ARHGAP42: variants seen among roughly 807,000 people sequenced by gnomAD.
ARHGAP42 encodes the protein rho GTPase-activating protein 42.
Under a neutral mutation model 125.0 loss-of-function variants are expected in ARHGAP42, and 63 were observed. The observed-to-expected ratio is 0.50, with a 90% CI of 0.41 to 0.62. The LOEUF (loss-of-function observed/expected upper bound fraction) is 0.62, where lower values mean the gene tolerates loss of function less well. Ranked by LOEUF, ARHGAP42 falls within the 20% of genes least tolerant of loss-of-function variation. ARHGAP42 has a pLI of 0.00. For missense variants in ARHGAP42, 766 were observed against 1,024.2 expected, an observed-to-expected ratio of 0.75 and a Z score of 3.44; for synonymous variants, 339 against 351.0, an observed-to-expected ratio of 0.97 and a Z score of 0.38.
intron 3 of ARHGAP42, among the ~76,000 whole-genome samples, chr11:100,841,628 C>T (rs1234017572): frequency 6.6e-6 from 1 of 152,272 alleles, no homozygotes; most frequent in African/African-American, 2.4e-5. Flanking sequence ...CAGTCTTCAT[C>T]TCTATTTTCC....
rs778155782 is a variant in ARHGAP42, at chr11:100,987,605, A to G, written c.2536+13A>G. ...ATATTTTCTAATGGTAAGTATGTCA[A>G]TTCCCTCTGCCTAAGTTTGTCATCA... On this transcript the variant is annotated intron_variant, in intron 23 of 23. Coordinates refer to ENST00000298815, the MANE Select transcript of ARHGAP42 (RefSeq NM_152432.4). 9.3e-5 allele frequency: 144 copies of G among 1,548,818 alleles called. No individual in the cohort carries two copies. The highest frequency in any genetic ancestry group is 1.2e-4 in the Non-Finnish European group (139 of 1,144,560).
intron 3 of ARHGAP42, among the ~76,000 whole-genome samples, chr11:100,828,436 A>G (rs1864578862): frequency 6.6e-6 from 1 of 152,126 alleles, no homozygotes; most frequent in Non-Finnish European, 1.5e-5. Context: ...TGTTCAAGGA[A>G]ACTACCTCAT....
intron 4 of ARHGAP42, among the ~76,000 whole-genome samples, chr11:100,881,311 C>T (rs901210444): frequency 6.6e-6 from 1 of 152,126 alleles, no homozygotes. Flanking sequence ...GCTAATTACC[C>T]CAGCATCATT....
chr11:100,740,044 A>T (rs969370275), intron 1 of ARHGAP42, among the ~76,000 whole-genome samples: 1 of 151,596 alleles, frequency 6.6e-6, no homozygotes, highest in Admixed American at 6.6e-5. Flanking sequence ...GTCAGCCTGC[A>T]AGTTAAAGGG....
chr11:100,852,659 G>A (rs900800617), intron 3 of ARHGAP42, among the ~76,000 whole-genome samples: 9 of 152,144 alleles, frequency 5.9e-5, no homozygotes, highest in African/African-American at 2.2e-4. Flanking sequence ...AGCTCAGCTT[G>A]GGATGTACAG....
chr11:100,720,832 C>T (rs920640636), intron 1 of ARHGAP42, among the ~76,000 whole-genome samples: 2 of 151,892 alleles, frequency 1.3e-5, no homozygotes, highest in Non-Finnish European at 1.5e-5. Context: ...CATTTTCAAA[C>T]GTACTCAAAA....
At chr11:100,706,430 C>A (rs2120222165) in intron 1 of ARHGAP42, among the ~76,000 whole-genome samples, 1 of 152,254 alleles carries the variant, frequency 6.6e-6, no homozygotes, top group South Asian at 2.1e-4. Flanking sequence ...CATATTGGAA[C>A]CACTTCTGAA....
At chr11:100,936,660 C>A (rs1867745985) in intron 8 of ARHGAP42, among the ~76,000 whole-genome samples, 1 of 152,150 alleles carries the variant, frequency 6.6e-6, no homozygotes, top group African/African-American at 2.4e-5. Flanking sequence ...ATGAATCATC[C>A]TGGTGACTGT....
chr11:100,974,519 T>C lies in ARHGAP42; in HGVS notation c.1771T>C (p.Ser591Pro), dbSNP rs1858337586. The change falls in exon 19 of 24, where the codon TCC (serine) becomes CCC (proline). Residue 591 changes from serine to proline, a missense_variant. Physicochemically the swap from Ser to Pro is moderately conservative, Grantham distance 74. Transcript: ENST00000298815. ...TCCTCAGCCTCAGTCTCGATCTGGA[T>C]CCCGAAGGACACGAGCAATCTGCCT... is the stretch of plus-strand genomic sequence containing the variant. ...PLPQPQSRSGSRRTRAICLST... is the reference protein window; with the variant it reads ...PLPQPQSRSGPRRTRAICLST... 6.4e-7 allele frequency: 1 copy of C among 1,550,744 alleles called. No homozygotes were observed. Among genetic ancestry groups the C allele is most frequent in the Non-Finnish European group, 8.7e-7 (1 of 1,146,700 alleles).
chr11:100,966,770 A>G (rs1020431963), intron 17 of ARHGAP42, among the ~76,000 whole-genome samples: 4 of 152,190 alleles, frequency 2.6e-5, no homozygotes, highest in Non-Finnish European at 5.9e-5. Context: ...AGAGAGAGAG[A>G]CAAACACATA....
At chr11:100,948,827 AT>A (rs1214293725) in intron 11 of ARHGAP42, among the ~76,000 whole-genome samples, 4 of 152,206 alleles carry the variant, frequency 2.6e-5, no homozygotes, top group Admixed American at 6.6e-5. Flanking sequence ...AGGTTAGCTT[AT>A]TCAGTTAATA....
chr11:100,915,858 C>G (rs544234583), intron 5 of ARHGAP42, among the ~76,000 whole-genome samples: 1 of 152,262 alleles, frequency 6.6e-6, no homozygotes, highest in South Asian at 2.1e-4. Context: ...TTGGGTTCCC[C>G]CCTCCCTTCG....
chr11:100,956,255 G>A (rs1857801848), intron 12 of ARHGAP42, among the ~76,000 whole-genome samples: 1 of 152,170 alleles, frequency 6.6e-6, no homozygotes, highest in Non-Finnish European at 1.5e-5. Flanking sequence ...TTGCCACAGT[G>A]AATTAAGTTA....
At chr11:100,714,102 A>G (rs1276274398) in intron 1 of ARHGAP42, among the ~76,000 whole-genome samples, 1 of 152,212 alleles carries the variant, frequency 6.6e-6, no homozygotes, top group African/African-American at 2.4e-5. Flanking sequence ...TGTTATTTAA[A>G]TCATGAGTAA....
intron 3 of ARHGAP42, among the ~76,000 whole-genome samples, chr11:100,816,183 G>C (rs1269387442): frequency 6.6e-6 from 1 of 152,142 alleles, no homozygotes; most frequent in Non-Finnish European, 1.5e-5. Flanking sequence ...AGTATTGTTG[G>C]ATCATATGGT....
intron 2 of ARHGAP42, among the ~76,000 whole-genome samples, chr11:100,775,805 T>C (rs997949926): frequency 6.6e-6 from 1 of 152,222 alleles, no homozygotes; most frequent in Non-Finnish European, 1.5e-5. Context: ...TAAGTACTTA[T>C]AATTTGAAAT....
At position 100,877,031 on chromosome 11, in the gene ARHGAP42, A is replaced by G. The variant is rs147172639; in HGVS notation, c.384+17406A>G. 7.0e-4 allele frequency among the ~76,000 whole-genome samples: 107 copies of G among 152,340 alleles called. 1 individual carries two copies. The East Asian group carries it at 0.016, about 23-fold the overall frequency. ...AGCTCACTGTAGAAAGATTTCAGGC[A>G]TTGAAAAAACTTGCCTTATTTGGTA... On this transcript the variant is annotated intron_variant, in intron 4 of 23. Transcript: ENST00000298815.
rs1202373114 is a variant in ARHGAP42 at position 100,790,260 on chromosome 11, C to T, written c.251-4845C>T. The stretch of plus-strand genomic sequence containing the variant: ...AATATAGAAGCTGTCATCATACTTC[C>T]TCACTGTCTAGGTATGATTCAACTA... On this transcript the variant is annotated intron_variant, in intron 2 of 23. Coordinates refer to ENST00000298815, the MANE Select transcript of ARHGAP42 (RefSeq NM_152432.4). Among the ~76,000 whole-genome samples the T allele has an allele frequency of 2.6e-5, 4 of 152,090 alleles. No individual in the cohort carries two copies. In the South Asian group the frequency reaches 6.2e-4, roughly 24 times the overall value.
At chr11:100,982,172 A>T (rs2135329828) in intron 22 of ARHGAP42, among the ~76,000 whole-genome samples, 1 of 152,328 alleles carries the variant, frequency 6.6e-6, no homozygotes, top group East Asian at 1.9e-4. Context: ...AATGGACAGG[A>T]TGAGAAGGCA....
Sources: allele counts gnomAD v4.1 joint callset (sites outside exome capture counted in the v4.1 genomes callset), GRCh38; gene constraint gnomAD v4.1.1; transcripts MANE v1.5; gene names NCBI Gene and HGNC (gene_info 2026-07-23, HGNC 2026-07-21).